Variants in MROH7 observed in about 807,000 individuals in gnomAD.
MROH7 encodes the protein maestro heat like repeat family member 7.
A neutral mutation model predicts 129.2 loss-of-function variants in MROH7; 113 were observed. The ratio of observed to expected loss-of-function variants is 0.87; its 90% CI spans 0.75 to 1.02. MROH7 has a LOEUF of 1.02. Ranked by LOEUF, MROH7 falls within the 50% of genes least tolerant of loss-of-function variation. MROH7 has a pLI of 0.00. For missense variants in MROH7, 1,601 were observed against 1,671.3 expected (o/e 0.96, Z 0.73); for synonymous variants, 655 against 667.9 (o/e 0.98, Z 0.30).
At chr1:54,709,593 C>G (rs549353366) in intron 23 of MROH7, among the ~76,000 whole-genome samples, 136 of 152,200 alleles carry the variant, frequency 8.9e-4, no homozygotes, top group Non-Finnish European at 1.7e-3. Context: ...AACACACAGC[C>G]CCACCCAAGG....
At chr1:54,648,335 A>ATTTT (rs1553168648) in intron 1 of MROH7, among the ~76,000 whole-genome samples, 1 of 109,168 alleles carries the variant, frequency 9.2e-6, no homozygotes. Flanking sequence ...GTTGCATGCA[A>ATTTT]TTTTATTTAT....
rs933678999 is a variant in MROH7 at position 54,703,648 on chromosome 1, A to G, written c.3564+903A>G. 1.3e-5 allele frequency among the ~76,000 whole-genome samples: 2 copies of G among 151,236 alleles called. No individual in the cohort carries two copies. The stretch of plus-strand genomic sequence containing the variant: ...GCCGCGTGCATGTGCGCGCGCGCAT[A>G]CACACACACACACAAGCACAACTCT... On this transcript the variant is annotated intron_variant, in intron 21 of 23. Coordinates refer to ENST00000421030, the MANE Select transcript of MROH7 (RefSeq NM_001039464.4). This position sits in a 1 kb window ranked among gnomAD's most constrained non-coding sequence, Gnocchi z 4.4.
intron 1 of MROH7, 179 bp from the exon 2 acceptor site, chr1:54,651,770 G>C (rs919166355): frequency 7.2e-6 from 1 of 138,810 alleles, no homozygotes; most frequent in Admixed American, 7.5e-5. Context: ...ACTTCCTTAT[G>C]TATAAATATT....
chr1:54,692,610 G>A, intron 16 of MROH7, 49 bp downstream of exon 16: 3 of 1,581,258 alleles, frequency 1.9e-6, no homozygotes, highest in Middle Eastern at 2.0e-4. Flanking sequence ...AGAAAGAGGG[G>A]GACCTCAGGA....
intron 16 of MROH7, among the ~76,000 whole-genome samples, chr1:54,693,650 T>A (rs1372041565): frequency 6.6e-6 from 1 of 152,124 alleles, no homozygotes; most frequent in Admixed American, 6.6e-5. Context: ...CCCCAGGCCA[T>A]GCACAGCTTC....
At chr1:54,679,587 G>C (rs1228155881) in intron 12 of MROH7, 148 bp downstream of exon 12, 8 of 919,492 alleles carry the variant, frequency 8.7e-6, no homozygotes, top group Non-Finnish European at 1.1e-5. Flanking sequence ...GGTGCTGGTG[G>C]CTGAGTTCTA....
At chr1:54,696,096 G>A (rs1189474263) in intron 17 of MROH7, among the ~76,000 whole-genome samples, 1 of 152,098 alleles carries the variant, frequency 6.6e-6, no homozygotes, top group East Asian at 1.9e-4. Flanking sequence ...TTCCAAGCAT[G>A]TTCTAAGAGC....
intron 17 of MROH7, 169 bp from the exon 18 acceptor site, chr1:54,700,151 TG>T: frequency 1.2e-6 from 1 of 841,622 alleles, no homozygotes; most frequent in Admixed American, 2.0e-5. Flanking sequence ...CTTTGCCACA[TG>T]GTGCTGATGG....
chr1:54,663,663 C>T (rs978138669), intron 3 of MROH7: 54 of 378,046 alleles, frequency 1.4e-4, no homozygotes, highest in African/African-American at 8.9e-4. Flanking sequence ...CGTGAGCCAC[C>T]GTGCCCGGCC....
intron 1 of MROH7, 161 bp from the exon 2 acceptor site, chr1:54,651,787 AC>A (rs1644559856): frequency 7.8e-6 from 1 of 128,710 alleles, no homozygotes; most frequent in South Asian, 2.8e-4. Flanking sequence ...TATTAAACTT[AC>A]TCTCTCTCTC....
chr1:54,666,521 A>T (rs1644818289), intron 4 of MROH7, among the ~76,000 whole-genome samples: 1 of 142,704 alleles, frequency 7.0e-6, no homozygotes, highest in South Asian at 2.3e-4. Flanking sequence ...TGCAGCCTTA[A>T]CTTCCCAGGC....
At chr1:54,658,124 C>T (rs982051682) in intron 3 of MROH7, among the ~76,000 whole-genome samples, 3 of 152,158 alleles carry the variant, frequency 2.0e-5, no homozygotes, top group Admixed American at 2.0e-4. Context: ...AGCCCCTAGC[C>T]ACCACCATTC....
chr1:54,645,657 T>TTC lies in MROH7; in HGVS notation c.-110+3690_-110+3691insCT, dbSNP rs200175781. ...TCTTTTCTTTTCTTTCTTTCTTTCT[T>TTC]TTTTTTTTTTTTTGAGACAAACTCT... On this transcript the variant is annotated intron_variant, in intron 1 of 23. Transcript: ENST00000421030. Among the ~76,000 whole-genome samples the TTC allele has an allele frequency of 1.3e-4, 16 of 126,554 alleles. 2 individuals carry two copies. Among genetic ancestry groups the TTC allele is most frequent in the Middle Eastern group, 7.8e-3 (2 of 256 alleles). The allele number at this position is 126,554 out of a possible 152,430, so 83.0% of individuals were successfully genotyped here. A position where few individuals can be genotyped will look rare whatever the true frequency, so the allele number is the denominator to read the frequency against.
Position 54,701,230 on chromosome 1 carries a change from C to A in MROH7, c.3193C>A (p.Leu1065Ile). 6.2e-7 allele frequency: 1 copy of A among 1,614,192 alleles called. No individual in the cohort carries two copies. Among genetic ancestry groups the A allele is most frequent in the Non-Finnish European group, 8.5e-7 (1 of 1,180,000 alleles). Residue 1065 changes from leucine (L) to isoleucine (I), a missense_variant, in exon 19 of 24, where the codon CTC (leucine) becomes ATC (isoleucine). Coordinates refer to ENST00000421030, the MANE Select transcript of MROH7 (RefSeq NM_001039464.4). The stretch of plus-strand genomic sequence containing the variant: ...GCTGGTGGTGGAAGCGGTCCACAAC[C>A]TCAAGGCTGTCTTCAAGGGGCGGGA... ...GMLVVEAVHN[L>I]KAVFKGRDQK...
rs1645413315 is a variant in MROH7 at position 54,700,320 on chromosome 1, G to C, written c.2965-1G>C. ...GAAGTAATGACCCTTTGCTCCCTCA[G>C]CTCCTCCAGATGGAGCAGGTGCGCC... On this transcript the variant is annotated splice_acceptor_variant, in intron 17 of 23. Transcript: ENST00000421030. LOFTEE classifies it high-confidence loss of function. The C allele has an allele frequency of 6.2e-7, 1 of 1,614,130 alleles. No homozygotes were observed. Among genetic ancestry groups the C allele is most frequent in the African/African-American group, 1.3e-5 (1 of 75,070 alleles).
chr1:54,690,413 C>T (rs1365202439), intron 15 of MROH7, among the ~76,000 whole-genome samples: 3 of 150,348 alleles, frequency 2.0e-5, no homozygotes, highest in Non-Finnish European at 3.0e-5. Flanking sequence ...ACGAATGATG[C>T]AGTTCTGAGT....
chr1:54,704,429 A>ATTTTTTTTTT (rs34380712), intron 21 of MROH7, among the ~76,000 whole-genome samples: 1 of 112,284 alleles, frequency 8.9e-6, no homozygotes. Context: ...CTAGAAACCT[A>ATTTTTTTTTT]TTTTTTTTTT....
chr1:54,651,874 G>C (rs1644564362), intron 1 of MROH7, 75 bp from the exon 2 acceptor site: 1 of 151,652 alleles, frequency 6.6e-6, no homozygotes, highest in Non-Finnish European at 1.5e-5. Context: ...GTGCATGCCT[G>C]GCCTGTGGAC....
chr1:54,698,088 A>G, intron 17 of MROH7: 1 of 179,332 alleles, frequency 5.6e-6, no homozygotes, highest in Non-Finnish European at 1.2e-5. Context: ...TGCCCCTTTC[A>G]CCCTCGTCCC....
Sources: allele counts gnomAD v4.1 joint callset (sites outside exome capture counted in the v4.1 genomes callset), GRCh38; gene constraint gnomAD v4.1.1; non-coding constraint Gnocchi (gnomAD v3.1); transcripts MANE v1.5; gene names NCBI Gene and HGNC (gene_info 2026-07-23, HGNC 2026-07-21).